The following CLVS1 variants were observed in gnomAD, a reference collection of about 807,000 sequenced individuals.
The protein encoded by CLVS1 is clavesin 1.
CLVS1 carries 10 observed loss-of-function variants against 33.1 expected under a neutral mutation model. That is an observed-to-expected ratio of 0.30 (90% CI 0.19 to 0.51). CLVS1 has a LOEUF of 0.51. Ranked by LOEUF, CLVS1 falls within the 20% of genes least tolerant of loss-of-function variation. CLVS1 has a pLI of 0.97. For missense variants in CLVS1, 343 were observed against 433.4 expected (o/e 0.79, Z 1.85); for synonymous variants, 163 against 166.1 (o/e 0.98, Z 0.14).
intron 1 of CLVS1, among the ~76,000 whole-genome samples, chr8:61,105,530 G>A (rs998579924): frequency 6.6e-6 from 1 of 152,190 alleles, no homozygotes; most frequent in Non-Finnish European, 1.5e-5. Context: ...TCCTCAGGCT[G>A]TGGGAGTGGA....
chr8:61,442,190 A>G (rs2129606211), intron 3 of CLVS1, among the ~76,000 whole-genome samples: 1 of 152,310 alleles, frequency 6.6e-6, no homozygotes, highest in African/African-American at 2.4e-5. Flanking sequence ...AAATGGAATC[A>G]TAGAGTATGT....
chr8:61,040,588 G>A, the CLVS1 span, among the ~76,000 whole-genome samples: 1 of 152,172 alleles, frequency 6.6e-6, no homozygotes, highest in Admixed American at 6.5e-5. Flanking sequence ...CTGACAATTA[G>A]TGATGATGAG....
the CLVS1 span, among the ~76,000 whole-genome samples, chr8:61,003,241 G>T: frequency 6.6e-6 from 1 of 152,140 alleles, no homozygotes; most frequent in Non-Finnish European, 1.5e-5. Context: ...TCACTTTCAA[G>T]GATTAGAGAG....
chr8:61,142,220 G>C (rs1026649063), intron 2 of CLVS1, among the ~76,000 whole-genome samples: 1 of 152,126 alleles, frequency 6.6e-6, no homozygotes, highest in Non-Finnish European at 1.5e-5. Context: ...GATAGTGAGT[G>C]AGTTCTCATG....
At chr8:61,311,751 T>TA (rs1487344230) in intron 2 of CLVS1, among the ~76,000 whole-genome samples, 1 of 152,132 alleles carries the variant, frequency 6.6e-6, no homozygotes, top group Non-Finnish European at 1.5e-5. Flanking sequence ...AGCTCATAGA[T>TA]AAAAAAGTCT....
intron 3 of CLVS1, among the ~76,000 whole-genome samples, chr8:61,425,319 C>G (rs1815841957): frequency 6.6e-6 from 1 of 152,086 alleles, no homozygotes; most frequent in South Asian, 2.1e-4. Flanking sequence ...GGATGTTAAT[C>G]CCCTTATTTT....
chr8:61,375,596 A>T (rs62524927), intron 2 of CLVS1, among the ~76,000 whole-genome samples: 1,554 of 152,242 alleles, frequency 0.01, 6 homozygotes, highest in Non-Finnish European at 0.015. Flanking sequence ...ATCTGGAGTC[A>T]TTGGCTTTGA....
intron 2 of CLVS1, among the ~76,000 whole-genome samples, chr8:61,304,331 A>T (rs1810538684): frequency 6.6e-6 from 1 of 152,366 alleles, no homozygotes; most frequent in East Asian, 1.9e-4. Flanking sequence ...TGGGTTCAAC[A>T]TGGCAACCGA....
At chr8:60,997,818 C>CT in the CLVS1 span, among the ~76,000 whole-genome samples, 3 of 152,204 alleles carry the variant, frequency 2.0e-5, no homozygotes, top group Non-Finnish European at 4.4e-5. Context: ...GAGCCTAAGA[C>CT]TTTTTTCTTT....
At chr8:61,299,447 C>G (rs577155061) in intron 1 of CLVS1, among the ~76,000 whole-genome samples, 1 of 152,148 alleles carries the variant, frequency 6.6e-6, no homozygotes, top group African/African-American at 2.4e-5. Context: ...GGAACTGAAA[C>G]GTTCCCAAAC....
intron 2 of CLVS1, among the ~76,000 whole-genome samples, chr8:61,322,892 C>T (rs971838264): frequency 1.3e-5 from 2 of 152,054 alleles, no homozygotes; most frequent in African/African-American, 4.8e-5. Flanking sequence ...CCAGTCTTTC[C>T]AAACAAAATT....
chr8:61,478,685 G>T (rs1009795392), intron 5 of CLVS1, among the ~76,000 whole-genome samples: 1 of 152,168 alleles, frequency 6.6e-6, no homozygotes, highest in African/African-American at 2.4e-5. Flanking sequence ...TCTTCCTCCA[G>T]CCCTTTATTT....
intron 2 of CLVS1, among the ~76,000 whole-genome samples, chr8:61,343,120 T>G (rs780144049): frequency 3.3e-5 from 5 of 152,246 alleles, no homozygotes; most frequent in Non-Finnish European, 4.4e-5. Context: ...TTGGGTATAT[T>G]TTATTTAGCA....
At chr8:61,331,804 T>TCTTCTC (rs1554559749) in intron 2 of CLVS1, among the ~76,000 whole-genome samples, 2,064 of 148,876 alleles carry the variant, frequency 0.014, 44 homozygotes, top group African/African-American at 0.048. Context: ...TTCTTCTTCT[T>TCTTCTC]CTCCTCCTCC....
intron 2 of CLVS1, among the ~76,000 whole-genome samples, chr8:61,201,148 C>G (rs1419194389): frequency 6.6e-6 from 1 of 152,050 alleles, no homozygotes; most frequent in Non-Finnish European, 1.5e-5. Context: ...TTTGATAAAT[C>G]AAACAAAAAA....
In CLVS1 at chr8:61,300,034, A is replaced by C; in HGVS notation, c.207A>C (p.Leu69Phe). 6.2e-7 allele frequency: 1 copy of C among 1,614,026 alleles called. No individual in the cohort carries two copies. The highest frequency in any genetic ancestry group is 8.5e-7 in the Non-Finnish European group (1 of 1,179,974). The change falls in exon 2 of 6, where the codon TTA becomes TTC. Residue 69 changes from leucine to phenylalanine, a missense_variant. By Grantham distance (22) the Leu-to-Phe change is conservative (BLOSUM62 0). This residue lies in a region of CLVS1 where 166 missense variants were observed against 244.0 expected (regional missense o/e 0.68). Transcript: ENST00000325897. ...MIITRPDIGF[L>F]RTDDAFILRF... ...TCACCAGGCCTGACATTGGATTTTT[A>C]CGTACAGATGATGCCTTCATCCTGA... is the stretch of plus-strand genomic sequence containing the variant.
chr8:61,243,607 G>A (rs367597128), intron 2 of CLVS1, among the ~76,000 whole-genome samples: 56 of 152,268 alleles, frequency 3.7e-4, no homozygotes, highest in Non-Finnish European at 6.5e-4. Flanking sequence ...TTCATCCAAG[G>A]TGATAAATTT....
At chr8:60,995,625 C>G in the CLVS1 span, among the ~76,000 whole-genome samples, 2 of 152,188 alleles carry the variant, frequency 1.3e-5, no homozygotes, top group African/African-American at 2.4e-5. Flanking sequence ...GGATCTAGAA[C>G]TAGAAATACC....
chr8:61,468,966 G>A (rs1817649117), intron 5 of CLVS1, among the ~76,000 whole-genome samples: 1 of 152,158 alleles, frequency 6.6e-6, no homozygotes, highest in South Asian at 2.1e-4. Flanking sequence ...CCCTCTGCCT[G>A]TGACACAGCA....
Sources: gnomAD v4.1 joint callset for allele counts (sites outside exome capture counted in the v4.1 genomes callset) on GRCh38, gnomAD v4.1.1 for gene constraint, gnomAD v4.1.1 regional missense constraint, MANE v1.5 for transcripts, NCBI Gene and HGNC (gene_info 2026-07-23, HGNC 2026-07-21) for gene names.